The following HS6ST3 variants were observed in gnomAD, a reference collection of about 807,000 sequenced individuals.
HS6ST3 encodes the protein heparan sulfate 6-O-sulfotransferase 3.
Under a neutral mutation model 36.7 loss-of-function variants are expected in HS6ST3, and 12 were observed. That is an observed-to-expected ratio of 0.33 (90% CI 0.21 to 0.53). The LOEUF (loss-of-function observed/expected upper bound fraction) is 0.53. HS6ST3 is among the 20% of genes least tolerant of loss of function. The pLI is 0.95. For missense variants in HS6ST3, 584 were observed against 640.9 expected (o/e 0.91, Z 0.96); for synonymous variants, 240 against 257.5 (o/e 0.93, Z 0.65).
chr13:96,542,726 A>C (rs1191382472), intron 1 of HS6ST3, among the ~76,000 whole-genome samples: 2 of 152,180 alleles, frequency 1.3e-5, no homozygotes, highest in Non-Finnish European at 2.9e-5. Context: ...TCCACTCAAG[A>C]TCATTCAAGT....
chr13:96,322,074 T>G (rs549726151), intron 1 of HS6ST3, among the ~76,000 whole-genome samples: 34 of 152,154 alleles, frequency 2.2e-4, no homozygotes, highest in Non-Finnish European at 4.7e-4. Context: ...ATACTCTGCC[T>G]TCATAACAAT....
chr13:96,325,918 A>T (rs1201681950), intron 1 of HS6ST3, among the ~76,000 whole-genome samples: 2 of 152,190 alleles, frequency 1.3e-5, no homozygotes, highest in African/African-American at 4.8e-5. Context: ...ATATGGTAAT[A>T]TATACACAGA....
intron 1 of HS6ST3, among the ~76,000 whole-genome samples, chr13:96,703,039 A>C (rs1283580768): frequency 1.3e-5 from 2 of 152,260 alleles, no homozygotes; most frequent in Admixed American, 6.5e-5. Flanking sequence ...ATGGAATTAT[A>C]GAATCTCCAA....
At chr13:96,351,033 A>C (rs1034633949) in intron 1 of HS6ST3, among the ~76,000 whole-genome samples, 2 of 152,158 alleles carry the variant, frequency 1.3e-5, no homozygotes, top group African/African-American at 4.8e-5. Context: ...TTTAACTTTA[A>C]CCTTTTTCAT....
chr13:96,827,873 T>C (rs1878683039), intron 1 of HS6ST3, among the ~76,000 whole-genome samples: 1 of 152,280 alleles, frequency 6.6e-6, no homozygotes. Context: ...CCATGGCCAA[T>C]TTTCTCAACT....
intron 1 of HS6ST3, among the ~76,000 whole-genome samples, chr13:96,092,702 AT>A (rs1262181517): frequency 2.0e-5 from 3 of 152,188 alleles, no homozygotes; most frequent in Non-Finnish European, 4.4e-5. Flanking sequence ...GAAAAGCTTC[AT>A]TTACTGGAAG....
At chr13:96,780,974 A>G (rs1030007986) in intron 1 of HS6ST3, among the ~76,000 whole-genome samples, 4 of 151,798 alleles carry the variant, frequency 2.6e-5, no homozygotes, top group African/African-American at 7.3e-5. Context: ...TAGATTATAT[A>G]CTTTACCTTA....
At chr13:96,820,558 T>C (rs1231814260) in intron 1 of HS6ST3, among the ~76,000 whole-genome samples, 1 of 152,208 alleles carries the variant, frequency 6.6e-6, no homozygotes, top group Non-Finnish European at 1.5e-5. Context: ...ATTCAATAAT[T>C]CCCACAACCC....
At chr13:96,365,539 T>G (rs2055258895) in intron 1 of HS6ST3, among the ~76,000 whole-genome samples, 1 of 152,272 alleles carries the variant, frequency 6.6e-6, no homozygotes, top group South Asian at 2.1e-4. Context: ...AAGTAAAAGA[T>G]TAATAATAAG....
intron 1 of HS6ST3, among the ~76,000 whole-genome samples, chr13:96,157,934 T>C (rs1173112079): frequency 4.6e-5 from 7 of 152,102 alleles, no homozygotes; most frequent in Non-Finnish European, 8.8e-5. Context: ...CAAGGAACAA[T>C]GAAGACAGAA....
intron 1 of HS6ST3, among the ~76,000 whole-genome samples, chr13:96,220,917 G>A (rs989494364): frequency 6.6e-6 from 1 of 151,896 alleles, no homozygotes; most frequent in Admixed American, 6.6e-5. Context: ...ACTCAATTAC[G>A]CAATTTGAGT....
At chr13:96,313,125 A>G (rs1267664940) in intron 1 of HS6ST3, among the ~76,000 whole-genome samples, 1 of 151,934 alleles carries the variant, frequency 6.6e-6, no homozygotes, top group East Asian at 1.9e-4. Context: ...CCTGTAGACT[A>G]TTTCCATCTA....
chr13:96,566,465 T>C (rs2056281701), intron 1 of HS6ST3, among the ~76,000 whole-genome samples: 1 of 152,080 alleles, frequency 6.6e-6, no homozygotes. Context: ...GACATTTTGT[T>C]CATGACTCAA....
intron 1 of HS6ST3, among the ~76,000 whole-genome samples, chr13:96,479,197 G>A (rs544563295): frequency 1.6e-3 from 243 of 152,312 alleles, no homozygotes; most frequent in Admixed American, 2.6e-3. Context: ...GAAAGGAAGC[G>A]TTTGCCTAAA....
chr13:96,187,076 C>T (rs1217319417), intron 1 of HS6ST3, among the ~76,000 whole-genome samples: 1 of 152,216 alleles, frequency 6.6e-6, no homozygotes. Flanking sequence ...ACTGTTGCCA[C>T]AACTGAGGCA....
intron 1 of HS6ST3, among the ~76,000 whole-genome samples, chr13:96,477,140 C>T (rs571273012): frequency 7.9e-5 from 12 of 152,220 alleles, no homozygotes; most frequent in Non-Finnish European, 1.5e-4. Context: ...TCCCCATCAC[C>T]GAAATTACAC....
intron 1 of HS6ST3, among the ~76,000 whole-genome samples, chr13:96,437,586 A>G (rs985943013): frequency 1.3e-5 from 2 of 152,244 alleles, no homozygotes; most frequent in Non-Finnish European, 2.9e-5. Context: ...CTTATTCTTC[A>G]TGATGATATG....
chr13:96,676,177 G>T (rs1450655505), intron 1 of HS6ST3, among the ~76,000 whole-genome samples: 1 of 152,146 alleles, frequency 6.6e-6, no homozygotes, highest in Non-Finnish European at 1.5e-5. Context: ...GATGCTGGGA[G>T]TTTGAGATTA....
intron 1 of HS6ST3, among the ~76,000 whole-genome samples, chr13:96,162,161 C>A (rs2054138579): frequency 6.6e-6 from 1 of 152,000 alleles, no homozygotes; most frequent in Admixed American, 6.6e-5. Flanking sequence ...CAGAATACAG[C>A]ACAGAAGTAA....
Sources: gnomAD v4.1 joint callset for allele counts (sites outside exome capture counted in the v4.1 genomes callset) on GRCh38, gnomAD v4.1.1 for gene constraint, MANE v1.5 for transcripts, NCBI Gene and HGNC (gene_info 2026-07-23, HGNC 2026-07-21) for gene names.